The following KHDRBS2 variants were observed in gnomAD, a reference collection of about 807,000 sequenced individuals.
KHDRBS2 encodes KH domain-containing, RNA-binding, signal transduction-associated protein 2.
A neutral mutation model predicts 44.3 loss-of-function variants in KHDRBS2; 26 were observed. The ratio of observed to expected loss-of-function variants is 0.59; its 90% CI spans 0.43 to 0.81. The LOEUF (loss-of-function observed/expected upper bound fraction) is 0.81. Among genes scored for constraint, KHDRBS2 ranks in the 40% least tolerant of loss-of-function variants. The pLI is 0.00. For synonymous variants in KHDRBS2, 194 were observed against 151.1 expected, an observed-to-expected ratio of 1.28 and a Z score of -2.08; for missense variants, 476 against 433.1, an observed-to-expected ratio of 1.10 and a Z score of -0.88.
chr6:62,069,519 C>T (rs778865429), intron 2 of KHDRBS2, among the ~76,000 whole-genome samples: 3 of 151,624 alleles, frequency 2.0e-5, no homozygotes, highest in Non-Finnish European at 4.4e-5. Context: ...ACTAGTGGCA[C>T]TTCATATAGG....
intron 8 of KHDRBS2, among the ~76,000 whole-genome samples, chr6:61,691,209 C>T (rs1303458367): frequency 2.0e-5 from 3 of 152,164 alleles, no homozygotes; most frequent in Admixed American, 6.6e-5. Flanking sequence ...TTATTCAAAA[C>T]AAAATTGAAA....
intron 1 of KHDRBS2, among the ~76,000 whole-genome samples, chr6:62,206,275 T>C (rs1827955629): frequency 6.6e-6 from 1 of 152,122 alleles, no homozygotes; most frequent in South Asian, 2.1e-4. Flanking sequence ...CCTAAATGTT[T>C]ATGCACAAAC....
chr6:61,994,977 C>T (rs1011239740), intron 3 of KHDRBS2, among the ~76,000 whole-genome samples: 20 of 152,022 alleles, frequency 1.3e-4, no homozygotes, highest in Non-Finnish European at 5.9e-5. Context: ...GAAAGAAAGC[C>T]CGCGTGGCTT....
At chr6:61,696,459 A>G (rs1436457103) in intron 8 of KHDRBS2, among the ~76,000 whole-genome samples, 1 of 151,628 alleles carries the variant, frequency 6.6e-6, no homozygotes, top group Non-Finnish European at 1.5e-5. Flanking sequence ...GGGTTTCACC[A>G]TGTTGGCCAA....
At chr6:62,117,193 T>C (rs1323670079) in intron 2 of KHDRBS2, among the ~76,000 whole-genome samples, 1 of 152,168 alleles carries the variant, frequency 6.6e-6, no homozygotes, top group Non-Finnish European at 1.5e-5. Context: ...CCATAGTGGC[T>C]GTACTAATTT....
chr6:62,024,070 A>G (rs190356973), intron 3 of KHDRBS2, among the ~76,000 whole-genome samples: 5 of 151,472 alleles, frequency 3.3e-5, no homozygotes, highest in Admixed American at 1.3e-4. Context: ...TGTATACAAT[A>G]GGAGTTAATA....
chr6:62,142,631 A>T (rs1349064632), intron 2 of KHDRBS2, among the ~76,000 whole-genome samples: 8 of 152,004 alleles, frequency 5.3e-5, no homozygotes, highest in Admixed American at 5.2e-4. Flanking sequence ...ATTTCATGAT[A>T]AAGAGGATAT....
chr6:61,772,963 C>T (rs1781232706), intron 6 of KHDRBS2, among the ~76,000 whole-genome samples: 1 of 152,128 alleles, frequency 6.6e-6, no homozygotes, highest in African/African-American at 2.4e-5. Flanking sequence ...CTACAAAGGA[C>T]CTGAACTCAT....
intron 7 of KHDRBS2, among the ~76,000 whole-genome samples, chr6:61,719,460 T>A (rs1771995120): frequency 1.3e-5 from 2 of 151,618 alleles, no homozygotes. Context: ...CTTTGAGGAG[T>A]ATGTAGAAAA....
chr6:61,587,374 T>TCTCC, the KHDRBS2 span, among the ~76,000 whole-genome samples: 1 of 151,724 alleles, frequency 6.6e-6, no homozygotes, highest in East Asian at 1.9e-4. Flanking sequence ...TCTCTCTCTC[T>TCTCC]CTCTCTCTGC....
the KHDRBS2 span, among the ~76,000 whole-genome samples, chr6:61,558,071 A>G: frequency 1.1e-4 from 17 of 151,828 alleles, no homozygotes; most frequent in South Asian, 3.5e-3. Flanking sequence ...CTTTTTTTTA[A>G]ACAACTTTTT....
chr6:61,768,826 T>C lies in KHDRBS2; in HGVS notation c.811-36062A>G, dbSNP rs79204509. On this transcript the variant is annotated intron_variant, in intron 6 of 8. Coordinates refer to ENST00000281156, the MANE Select transcript of KHDRBS2 (RefSeq NM_152688.4). ...TCATTTACCTGATTTTTTGGTCTTA[T>C]AAAAGTGCTTTTTTGTGTAAACAGT... is the stretch of plus-strand genomic sequence containing the variant. Among the ~76,000 whole-genome samples the C allele has an allele frequency of 8.7e-3, 1,317 of 152,214 alleles. 17 individuals are homozygous for C. The highest frequency in any genetic ancestry group is 0.03 in the African/African-American group (1,258 of 41,532).
intron 6 of KHDRBS2, among the ~76,000 whole-genome samples, chr6:61,747,044 A>G (rs9342189): frequency 5.9e-5 from 3 of 50,592 alleles, no homozygotes; most frequent in Admixed American, 2.1e-4. Flanking sequence ...AAAAAAAAGA[A>G]AAAAAAAAAC....
chr6:61,728,142 A>G (rs1353971296), intron 7 of KHDRBS2, among the ~76,000 whole-genome samples: 2 of 152,182 alleles, frequency 1.3e-5, no homozygotes, highest in Non-Finnish European at 2.9e-5. Context: ...TTGCAGGGAC[A>G]TGGATGAAAT....
At chr6:62,078,475 C>T (rs1016224826) in intron 2 of KHDRBS2, among the ~76,000 whole-genome samples, 1 of 151,514 alleles carries the variant, frequency 6.6e-6, no homozygotes, top group Non-Finnish European at 1.5e-5. Flanking sequence ...ATGATTTTAC[C>T]TCTAGGAAGG....
chr6:62,006,554 A>G (rs1304321999), intron 3 of KHDRBS2, among the ~76,000 whole-genome samples: 2 of 152,050 alleles, frequency 1.3e-5, no homozygotes, highest in African/African-American at 2.4e-5. Flanking sequence ...TAGAACACAC[A>G]CACAGCTAAA....
the KHDRBS2 span, among the ~76,000 whole-genome samples, chr6:61,607,519 G>GAAAAAAAA: frequency 0.084 from 1,952 of 23,248 alleles, 334 homozygotes; most frequent in Non-Finnish European, 0.11. Context: ...TGAGTTCCAA[G>GAAAAAAAA]CAAAAAAAAA....
chr6:61,940,337 G>T (rs1344799637), intron 4 of KHDRBS2, among the ~76,000 whole-genome samples: 2 of 152,136 alleles, frequency 1.3e-5, no homozygotes, highest in African/African-American at 4.8e-5. Context: ...ATGGGGAAAA[G>T]GTAAGTCAGT....
At chr6:61,919,411 T>C (rs1298367541) in intron 4 of KHDRBS2, among the ~76,000 whole-genome samples, 3 of 151,824 alleles carry the variant, frequency 2.0e-5, no homozygotes, top group African/African-American at 7.2e-5. Flanking sequence ...AATGACAGTA[T>C]AGTCATTTGT....
Sources: gnomAD v4.1 joint callset for allele counts (sites outside exome capture counted in the v4.1 genomes callset) on GRCh38, gnomAD v4.1.1 for gene constraint, MANE v1.5 for transcripts, NCBI Gene and HGNC (gene_info 2026-07-23, HGNC 2026-07-21) for gene names.